ZNF202: variants seen among roughly 807,000 people sequenced by gnomAD.
ZNF202 encodes zinc finger protein with KRAB and SCAN domains 10.
Under a neutral mutation model 54.5 loss-of-function variants are expected in ZNF202, and 22 were observed. The ratio of observed to expected loss-of-function variants is 0.40; its 90% confidence interval spans 0.29 to 0.58. The LOEUF (loss-of-function observed/expected upper bound fraction) is 0.58, where lower values mean the gene tolerates loss of function less well. Ranked by LOEUF, ZNF202 falls within the 20% of genes least tolerant of loss-of-function variation. ZNF202 has a pLI of 0.39. For missense variants in ZNF202, 644 were observed against 805.5 expected (o/e 0.80, Z 2.43); for synonymous variants, 294 against 301.4 (o/e 0.98, Z 0.26).
Position 123,725,964 on chromosome 11 carries a change from G to C in ZNF202, c.*33C>G. ...TCTTCCTCACCTCCCTTAGGTGAGG[G>C]CTGAAAGCAGATCTCCTCACATGGG... On this transcript the variant is annotated 3_prime_UTR_variant, in exon 9 of 9. Coordinates refer to ENST00000530393, the MANE Select transcript of ZNF202 (RefSeq NM_003455.4). 1 of 1,581,236 alleles carries C rather than the reference G, an allele frequency of 6.3e-7. No homozygotes were observed. The highest frequency in any genetic ancestry group is 8.6e-7 in the Non-Finnish European group (1 of 1,163,114).
At chr11:123,741,461 C>T (rs1861865225) in intron 1 of ZNF202, 88 bp downstream of exon 1, 1 of 152,472 alleles carries the variant, frequency 6.6e-6, no homozygotes, top group East Asian at 1.9e-4. Flanking sequence ...CGGTCCCTCC[C>T]CCTCCTCCCC....
chr11:123,726,805 A>C lies in ZNF202; in HGVS notation c.1139T>G (p.Phe380Cys), dbSNP rs1203348093. 1.9e-6 allele frequency: 3 copies of C among 1,614,116 alleles called. No individual in the cohort carries two copies. The African/African-American group carries it at 4.0e-5, about 22-fold the overall frequency. ...FGTNISQVNS[F>C]VNLRETTPVH... is the part of the protein sequence containing the mutation. ...GGGTGTAGTTTCCCGAAGGTTCACA[A>C]AACTATTCACTTGAGAAATATTAGT... The change falls in exon 9 of 9, where the codon TTT becomes TGT. Residue 380 changes from phenylalanine (F) to cysteine (C), a missense_variant. Physicochemically the swap from Phe to Cys is radical, Grantham distance 205. Transcript: ENST00000530393. The surrounding 1 kb of genome is among the most constrained non-coding windows in gnomAD (Gnocchi z 6.0).
chr11:123,736,027 T>C (rs551819861), intron 3 of ZNF202, among the ~76,000 whole-genome samples: 340 of 152,342 alleles, frequency 2.2e-3, no homozygotes, highest in Non-Finnish European at 4.0e-3. Context: ...TCTGCAAAGA[T>C]ACAACCTAGT....
At chr11:123,740,819 A>C (rs1292413827) in intron 1 of ZNF202, among the ~76,000 whole-genome samples, 2 of 152,234 alleles carry the variant, frequency 1.3e-5, no homozygotes, top group African/African-American at 4.8e-5. Context: ...CAAGACACTC[A>C]AGAAGTAGGT....
At chr11:123,736,692 G>T (rs545615320) in intron 3 of ZNF202, among the ~76,000 whole-genome samples, 1 of 152,144 alleles carries the variant, frequency 6.6e-6, no homozygotes, top group Non-Finnish European at 1.5e-5. Context: ...GGCACGCTGG[G>T]TTTGAATCCC....
At chr11:123,739,191 C>A (rs1195124382) in intron 3 of ZNF202, among the ~76,000 whole-genome samples, 1 of 152,172 alleles carries the variant, frequency 6.6e-6, no homozygotes, top group African/African-American at 2.4e-5. Context: ...GGGTAATAAA[C>A]CATTCACAGG....
intron 3 of ZNF202, among the ~76,000 whole-genome samples, chr11:123,738,357 T>C (rs997254585): frequency 2.6e-5 from 4 of 152,202 alleles, no homozygotes; most frequent in East Asian, 1.9e-4. Flanking sequence ...CTGGCCATCA[T>C]GGTCATGTTG....
At chr11:123,731,307 T>C (rs1861397173) in intron 3 of ZNF202, among the ~76,000 whole-genome samples, 1 of 152,220 alleles carries the variant, frequency 6.6e-6, no homozygotes. Flanking sequence ...ACTGCTTTAG[T>C]TTGAGCCTTC....
chr11:123,739,715 A>C (rs982731919), intron 3 of ZNF202, among the ~76,000 whole-genome samples: 1 of 152,234 alleles, frequency 6.6e-6, no homozygotes, highest in Admixed American at 6.5e-5. Flanking sequence ...ACACAGAAGT[A>C]CTCAAACAAA....
Position 123,730,220 on chromosome 11 carries a change from C to T in ZNF202, c.402+267G>A, listed in dbSNP as rs536179543. On this transcript the variant is annotated intron_variant, in intron 4 of 8. Coordinates refer to ENST00000530393, the MANE Select transcript of ZNF202 (RefSeq NM_003455.4). The surrounding 1 kb of genome is among the most constrained non-coding windows in gnomAD (Gnocchi z 6.0). Reference sequence around the variant, plus strand: ...AATTCTCCTCTCCAGGAACCCACGGCTCAACATTCAAAGAAGGGAAAACCA... The same window carrying T: ...AATTCTCCTCTCCAGGAACCCACGGTTCAACATTCAAAGAAGGGAAAACCA... Among the ~76,000 whole-genome samples the T allele has an allele frequency of 4.6e-5, 7 of 152,244 alleles. No homozygotes were observed. The East Asian group carries it at 1.4e-3, about 29-fold the overall frequency.
At position 123,730,666 on chromosome 11, in the gene ZNF202, G is replaced by A. The variant is rs1861366744; in HGVS notation, c.223C>T (p.Leu75=). The A allele has an allele frequency of 1.2e-6, 2 of 1,614,108 alleles. No individual in the cohort carries two copies. Among genetic ancestry groups the A allele is most frequent in the East Asian group, 4.5e-5 (2 of 44,880 alleles). Residue 75 remains leucine, a synonymous_variant, in exon 4 of 9, where the codon CTG becomes TTG. Coordinates refer to ENST00000530393, the MANE Select transcript of ZNF202 (RefSeq NM_003455.4). This position sits in a 1 kb window ranked among gnomAD's most constrained non-coding sequence, Gnocchi z 6.0. Reference sequence around the variant, plus strand: ...TCCTTTGTCCGCCTCTCTGGTCTCAGCCACTGGTGACAAAGTTCTCGGAGT... The same window carrying A: ...TCCTTTGTCCGCCTCTCTGGTCTCAACCACTGGTGACAAAGTTCTCGGAGT... ...IRLRELCHQW[L]RPERRTKEQI... is the part of the protein sequence containing the mutation.
chr11:123,737,937 T>C (rs1591390368), intron 3 of ZNF202, among the ~76,000 whole-genome samples: 2 of 152,286 alleles, frequency 1.3e-5, no homozygotes, highest in African/African-American at 2.4e-5. Flanking sequence ...AGCATCTCTA[T>C]TGAATATTTG....
At chr11:123,728,068 CA>C in intron 7 of ZNF202, 64 bp downstream of exon 7, 1 of 1,560,308 alleles carries the variant, frequency 6.4e-7, no homozygotes, top group Non-Finnish European at 8.7e-7. Context: ...TAAGATCCCC[CA>C]AAATTTCCAG....
rs1861177679 is a variant in ZNF202 at position 123,726,972 on chromosome 11, C to G, written c.972G>C (p.Glu324Asp). 6.2e-7 allele frequency: 1 copy of G among 1,612,404 alleles called. No homozygotes were observed. The highest frequency in any genetic ancestry group is 1.1e-5 in the South Asian group (1 of 90,792). ...FTYTGDRSKDEEECLEQEDLS... is the reference protein window; with the variant it reads ...FTYTGDRSKDDEECLEQEDLS... ...GATCTTCCTGCTCCAGACACTCTTC[C>G]TCATCTTTACTCCTATCTCCTGTAG... Residue 324 changes from glutamate to aspartate, a missense_variant, in exon 9 of 9, where the codon GAG (glutamate) becomes GAC (aspartate). Around this residue, in one of 3 missense-constraint regions of ZNF202, gnomAD observed 536 missense variants for 635.3 expected, o/e 0.84. Coordinates refer to ENST00000530393, the MANE Select transcript of ZNF202 (RefSeq NM_003455.4). The surrounding 1 kb of genome is among the most constrained non-coding windows in gnomAD (Gnocchi z 6.0).
intron 6 of ZNF202, 56 bp from the exon 7 acceptor site, chr11:123,728,318 T>C (rs1861247299): frequency 6.5e-7 from 1 of 1,546,362 alleles, no homozygotes; most frequent in African/African-American, 1.4e-5. Flanking sequence ...CCTCGTATTT[T>C]GTCCCTGTTG....
Position 123,729,810 on chromosome 11 carries a change from G to T in ZNF202, c.418C>A (p.His140Asn). 6.2e-7 allele frequency: 1 copy of T among 1,607,724 alleles called. No individual in the cohort carries two copies. The highest frequency in any genetic ancestry group is 1.1e-5 in the South Asian group (1 of 89,886). Residue 140 changes from histidine (H) to asparagine (N), a missense_variant, in exon 5 of 9, where the codon CAC becomes AAC. By Grantham distance (68) the His-to-Asn change is moderately conservative (BLOSUM62 1). Transcript: ENST00000530393. Reference protein sequence around the residue: ...RPRRWVTVHVHGQEVLSEETV... With the variant: ...RPRRWVTVHVNGQEVLSEETV... ...TCCTCTGACAGGACTTCCTGGCCGTGAACATGGACAGTCACCTGGGAATAA... is the reference window on the plus strand; with the variant it reads ...TCCTCTGACAGGACTTCCTGGCCGTTAACATGGACAGTCACCTGGGAATAA...
chr11:123,726,569 G>T lies in ZNF202; in HGVS notation c.1375C>A (p.Arg459=), dbSNP rs202211601. ...GGGGAGGTCTCTTCCAAATTCTTCC[G>T]GTTTAGGGGATATTTGTAAGGCGCG... is the stretch of plus-strand genomic sequence containing the variant. ...MNAPYKYPLN[R]KNLEETSPVT... is the part of the protein sequence containing the mutation. Residue 459 remains arginine, a synonymous_variant, in exon 9 of 9, where the codon CGG becomes AGG. Coordinates refer to ENST00000530393, the MANE Select transcript of ZNF202 (RefSeq NM_003455.4). This position sits in a 1 kb window ranked among gnomAD's most constrained non-coding sequence, Gnocchi z 6.0. 6.2e-6 allele frequency: 10 copies of T among 1,614,180 alleles called. No individual in the cohort carries two copies. The African/African-American group carries it at 1.3e-4, about 22-fold the overall frequency.
Position 123,730,649 on chromosome 11 carries a change from C to G in ZNF202, c.240G>C (p.Arg80=). The change falls in exon 4 of 9, where the codon CGG becomes CGC. Residue 80 remains arginine (R), a synonymous_variant. Coordinates refer to ENST00000530393, the MANE Select transcript of ZNF202 (RefSeq NM_003455.4). The surrounding 1 kb of genome is among the most constrained non-coding windows in gnomAD (Gnocchi z 6.0). The stretch of plus-strand genomic sequence containing the variant: ...GCAGCTCTAGGATCTGCTCCTTTGT[C>G]CGCCTCTCTGGTCTCAGCCACTGGT... ...LCHQWLRPER[R]TKEQILELLV... 1 of 1,613,784 alleles carries G rather than the reference C, an allele frequency of 6.2e-7. No individual in the cohort carries two copies. The highest frequency in any genetic ancestry group is 8.5e-7 in the Non-Finnish European group (1 of 1,179,770).
intron 3 of ZNF202, among the ~76,000 whole-genome samples, chr11:123,732,408 G>A (rs915737411): frequency 6.6e-6 from 1 of 152,098 alleles, no homozygotes; most frequent in African/African-American, 2.4e-5. Context: ...AGACACACAC[G>A]CACACACGTG....
Sources: allele counts gnomAD v4.1 joint callset (sites outside exome capture counted in the v4.1 genomes callset), GRCh38; gene constraint gnomAD v4.1.1; regional missense constraint gnomAD v4.1.1; non-coding constraint Gnocchi (gnomAD v3.1); transcripts MANE v1.5; gene names NCBI Gene and HGNC (gene_info 2026-07-23, HGNC 2026-07-21).